The following DNAH9 variants were observed in gnomAD, a reference collection of about 807,000 sequenced individuals.
The protein encoded by DNAH9 is DNAH9 variant protein.
In DNAH9, 345 loss-of-function variants were observed where a neutral mutation model predicts 471.6. The ratio of observed to expected loss-of-function variants is 0.73; its 90% CI spans 0.67 to 0.80. The LOEUF (loss-of-function observed/expected upper bound fraction) is 0.80, where lower values mean the gene tolerates loss of function less well. Ranked by LOEUF, DNAH9 falls within the 30% of genes least tolerant of loss-of-function variation. The pLI, the probability that DNAH9 is intolerant of heterozygous loss-of-function variation, is 0.00. For synonymous variants in DNAH9, 2,093 were observed against 2,123.6 expected (o/e 0.99, Z 0.40); for missense variants, 5,407 against 5,609.2 (o/e 0.96, Z 1.15).
chr17:11,912,299 T>C (rs757111337), intron 61 of DNAH9, among the ~76,000 whole-genome samples: 7 of 152,112 alleles, frequency 4.6e-5, no homozygotes, highest in Non-Finnish European at 7.4e-5. Context: ...TCATATGTTC[T>C]TATTTCTTTT....
intron 38 of DNAH9, among the ~76,000 whole-genome samples, chr17:11,770,696 G>T (rs1968172161): frequency 6.6e-6 from 1 of 152,332 alleles, no homozygotes; most frequent in Middle Eastern, 3.4e-3. Context: ...TTACTAGTTT[G>T]TCAAAGATGT....
intron 4 of DNAH9, chr17:11,612,003 C>T (rs1309778273): frequency 4.9e-6 from 3 of 608,074 alleles, no homozygotes; most frequent in Non-Finnish European, 8.8e-6. Context: ...GGAAAATTCA[C>T]CTAGCCCCTC....
chr17:11,820,953 T>C lies in DNAH9; in HGVS notation c.8708-967T>C, dbSNP rs143336638. ...CCTGCATTTTTTATAGTTAAATCAT[T>C]GATTCAGTTGGCATTTACTTTAGTG... On this transcript the variant is annotated intron_variant, in intron 45 of 68. Coordinates refer to ENST00000262442, the MANE Select transcript of DNAH9 (RefSeq NM_001372.4). Among the ~76,000 whole-genome samples, 11 of 152,310 alleles carry C rather than the reference T, an allele frequency of 7.2e-5. No homozygotes were observed. In the East Asian group the frequency reaches 2.1e-3, roughly 29 times the overall value.
rs377036152 is a variant in DNAH9 at position 11,651,351 on chromosome 17, C to G, written c.2353+27C>G. 16 of 1,591,230 alleles carry G rather than the reference C, an allele frequency of 1.0e-5. No individual in the cohort carries two copies. The African/African-American group carries it at 2.0e-4, about 20-fold the overall frequency. ...TAACAGGGCACCATCTGAAGTCTGA[C>G]AAAAACATGGAGATTCGAGGATCTA... On this transcript the variant is annotated intron_variant, in intron 13 of 68. Transcript: ENST00000262442.
chr17:11,713,141 T>G (rs1267622614), intron 26 of DNAH9, among the ~76,000 whole-genome samples: 1 of 152,120 alleles, frequency 6.6e-6, no homozygotes, highest in Non-Finnish European at 1.5e-5. Context: ...CTTATAAGTG[T>G]GAACATGCGG....
At chr17:11,810,878 T>C (rs1969873453) in intron 45 of DNAH9, among the ~76,000 whole-genome samples, 1 of 152,184 alleles carries the variant, frequency 6.6e-6, no homozygotes, top group Non-Finnish European at 1.5e-5. Flanking sequence ...TTCCACATAG[T>C]TTTCCTTGGT....
intron 18 of DNAH9, among the ~76,000 whole-genome samples, chr17:11,680,471 C>T (rs2074115204): frequency 6.6e-6 from 1 of 152,092 alleles, no homozygotes; most frequent in South Asian, 2.1e-4. Context: ...ATTTAGAGGG[C>T]TTAGAGGACC....
At chr17:11,951,955 G>T (rs1347559765) in intron 67 of DNAH9, among the ~76,000 whole-genome samples, 2 of 151,326 alleles carry the variant, frequency 1.3e-5, no homozygotes, top group Non-Finnish European at 2.9e-5. Context: ...TAAAAATTCA[G>T]TTCCTTTTTT....
At chr17:11,671,929 C>T (rs2073979135) in intron 17 of DNAH9, among the ~76,000 whole-genome samples, 1 of 152,214 alleles carries the variant, frequency 6.6e-6, no homozygotes. Context: ...GACAGCCCAA[C>T]TGGATTCTTC....
intron 10 of DNAH9, among the ~76,000 whole-genome samples, chr17:11,641,824 G>A (rs1014400482): frequency 3.3e-5 from 5 of 152,106 alleles, no homozygotes; most frequent in African/African-American, 1.2e-4. Context: ...GATCCTTTCA[G>A]GAACAGCACT....
At chr17:11,726,840 A>G (rs2075161102) in intron 27 of DNAH9, among the ~76,000 whole-genome samples, 1 of 152,040 alleles carries the variant, frequency 6.6e-6, no homozygotes, top group Non-Finnish European at 1.5e-5. Context: ...CAAAGTCAGG[A>G]GTTTGAGACC....
Position 11,608,709 on chromosome 17 carries a change from A to G in DNAH9, c.614+384A>G, listed in dbSNP as rs773340313. Among the ~76,000 whole-genome samples, 19 of 152,216 alleles carry G rather than the reference A, an allele frequency of 1.2e-4. No homozygotes were observed. The South Asian group carries it at 3.3e-3, about 27-fold the overall frequency. On this transcript the variant is annotated intron_variant, in intron 2 of 68. Coordinates refer to ENST00000262442, the MANE Select transcript of DNAH9 (RefSeq NM_001372.4). ...CCTCTTCCCAGTGTTTACTCAGTAC[A>G]TAATGTCACAGAACTATCGCTGCCG...
rs550944599 is a variant in DNAH9, at chr17:11,776,759, T to C, written c.7553-4250T>C. 5.3e-5 allele frequency among the ~76,000 whole-genome samples: 8 copies of C among 152,340 alleles called. No individual in the cohort carries two copies. In the East Asian group the frequency reaches 1.5e-3, roughly 29 times the overall value. ...AGCATATGGATATCTTCTTCTGTGA[T>C]AGTCAATATAATAGGCCCTTCCATC... On this transcript the variant is annotated intron_variant, in intron 38 of 68. Coordinates refer to ENST00000262442, the MANE Select transcript of DNAH9 (RefSeq NM_001372.4).
chr17:11,809,225 C>A (rs1169791825), intron 44 of DNAH9, among the ~76,000 whole-genome samples: 1 of 143,974 alleles, frequency 6.9e-6, no homozygotes, highest in Non-Finnish European at 1.5e-5. Flanking sequence ...GTGTGTGTTG[C>A]CCCAGTATAT....
At position 11,894,357 on chromosome 17, in the gene DNAH9, A is replaced by G. The variant is rs1973158330; in HGVS notation, c.11284-17A>G. ...CTACAAGCTAAAGAAATGCAGTATC[A>G]TTTCTCCACATTGCAGATTCTCCTC... On this transcript the variant is annotated splice_polypyrimidine_tract_variant and intron_variant, in intron 58 of 68. Transcript: ENST00000262442. 2 of 1,613,026 alleles carry G rather than the reference A, an allele frequency of 1.2e-6. No individual in the cohort carries two copies. Among genetic ancestry groups the G allele is most frequent in the Non-Finnish European group, 1.7e-6 (2 of 1,179,398 alleles).
chr17:11,751,631 C>A (rs1405438516), intron 32 of DNAH9, among the ~76,000 whole-genome samples: 2 of 151,852 alleles, frequency 1.3e-5, no homozygotes, highest in Non-Finnish European at 2.9e-5. Context: ...AAAACAAAGT[C>A]ATTCTGAATA....
At chr17:11,820,223 T>C (rs1970260274) in intron 45 of DNAH9, among the ~76,000 whole-genome samples, 1 of 152,160 alleles carries the variant, frequency 6.6e-6, no homozygotes, top group African/African-American at 2.4e-5. Flanking sequence ...GTTTTTTTTC[T>C]AGTGTTTATC....
rs1396549456 is a variant in DNAH9 at position 11,747,651 on chromosome 17, C to G, written c.6495C>G (p.His2165Gln). ...AGTCACAGGTGCTGAGGTCCTTGCA[C>G]AAGACCTATCAGATCATGAAACGGC... is the stretch of plus-strand genomic sequence containing the variant. ...TGKSQVLRSLHKTYQIMKRRP... is the reference protein window; with the variant it reads ...TGKSQVLRSLQKTYQIMKRRP... Residue 2165 changes from histidine (H) to glutamine (Q), a missense_variant, in exon 32 of 69, where the codon CAC becomes CAG. His to Gln is a conservative substitution (Grantham distance 24). This residue lies in a region of DNAH9 where 4,636 missense variants were observed against 4,900.3 expected (regional missense o/e 0.95). Transcript: ENST00000262442. 3.1e-6 allele frequency: 5 copies of G among 1,613,976 alleles called. No individual in the cohort carries two copies. Among genetic ancestry groups the G allele is most frequent in the African/African-American group, 1.3e-5 (1 of 74,918 alleles).
intron 26 of DNAH9, among the ~76,000 whole-genome samples, chr17:11,718,994 C>T (rs1003985553): frequency 6.6e-6 from 1 of 152,120 alleles, no homozygotes; most frequent in African/African-American, 2.4e-5. Context: ...GGGACAAGCT[C>T]AGTCCTAGTG....
Sources: gnomAD v4.1 joint callset for allele counts (sites outside exome capture counted in the v4.1 genomes callset) on GRCh38, gnomAD v4.1.1 for gene constraint, gnomAD v4.1.1 regional missense constraint, MANE v1.5 for transcripts, NCBI Gene and HGNC (gene_info 2026-07-23, HGNC 2026-07-21) for gene names.